PRELID2: variants seen among roughly 807,000 people sequenced by gnomAD.
PRELID2 encodes the protein PRELI domain containing 2.
In PRELID2, 25 loss-of-function variants were observed where a neutral mutation model predicts 28.4. The observed-to-expected ratio is 0.88, with a 90% CI of 0.64 to 1.23. The LOEUF (loss-of-function observed/expected upper bound fraction) is 1.23. Among genes scored for constraint, PRELID2 ranks in the 50% most tolerant of loss-of-function variants. The probability of loss-of-function intolerance (pLI) is 0.00; values close to 1 mark genes in which losing one functional copy is unlikely to be tolerated. For missense variants in PRELID2, 201 were observed against 214.4 expected, an observed-to-expected ratio of 0.94 and a Z score of 0.39; for synonymous variants, 76 against 71.6, an observed-to-expected ratio of 1.06 and a Z score of -0.31.
intron 1 of PRELID2, among the ~76,000 whole-genome samples, chr5:145,633,246 T>C (rs914461135): frequency 1.3e-5 from 2 of 152,178 alleles, no homozygotes; most frequent in Admixed American, 1.3e-4. Context: ...AAATTCTTGT[T>C]GTTGTAAGCC....
chr5:145,695,699 G>T (rs968432389), intron 1 of PRELID2, among the ~76,000 whole-genome samples: 1 of 152,174 alleles, frequency 6.6e-6, no homozygotes. Context: ...GGGGCACAAA[G>T]TCTCTGTCCC....
the PRELID2 span, among the ~76,000 whole-genome samples, chr5:145,305,037 T>C: frequency 6.6e-6 from 1 of 152,214 alleles, no homozygotes; most frequent in South Asian, 2.1e-4. Flanking sequence ...AACCGCACTG[T>C]CCATGAATGA....
chr5:145,568,954 T>G (rs1752992417), intron 1 of PRELID2, among the ~76,000 whole-genome samples: 1 of 152,240 alleles, frequency 6.6e-6, no homozygotes, highest in Admixed American at 6.5e-5. Flanking sequence ...TAAAGAAACA[T>G]GGCAGTCTGC....
intron 5 of PRELID2, among the ~76,000 whole-genome samples, chr5:145,778,208 C>T (rs1447150570): frequency 6.6e-6 from 1 of 152,184 alleles, no homozygotes; most frequent in African/African-American, 2.4e-5. Flanking sequence ...GAGCTACCCA[C>T]TCCAGGGCCT....
At chr5:145,341,907 C>G in the PRELID2 span, among the ~76,000 whole-genome samples, 2 of 152,148 alleles carry the variant, frequency 1.3e-5, no homozygotes, top group Non-Finnish European at 2.9e-5. Flanking sequence ...GGTGGCTCAG[C>G]AATCCCCATG....
At chr5:145,246,390 A>G in the PRELID2 span, among the ~76,000 whole-genome samples, 5 of 152,222 alleles carry the variant, frequency 3.3e-5, no homozygotes, top group Admixed American at 2.0e-4. Context: ...AGGCTCTTAC[A>G]TTCAAATGGG....
At chr5:145,232,927 A>G in the PRELID2 span, among the ~76,000 whole-genome samples, 1 of 151,902 alleles carries the variant, frequency 6.6e-6, no homozygotes, top group Non-Finnish European at 1.5e-5. Context: ...ATATTATTCT[A>G]CAAGTTTCCA....
intron 1 of PRELID2, among the ~76,000 whole-genome samples, chr5:145,615,327 G>GTTTTTTTTTTTTTT (rs141780236): frequency 1.5e-5 from 1 of 68,912 alleles, no homozygotes; most frequent in Non-Finnish European, 2.6e-5. Flanking sequence ...TCTTTTTTTT[G>GTTTTTTTTTTTTTT]TTTTTTTTTT....
chr5:145,312,857 TC>T, the PRELID2 span, among the ~76,000 whole-genome samples: 2 of 152,192 alleles, frequency 1.3e-5, no homozygotes, highest in African/African-American at 4.8e-5. Flanking sequence ...TGATTCTATT[TC>T]TTCTAGCTAT....
intron 1 of PRELID2, among the ~76,000 whole-genome samples, chr5:145,696,119 G>C (rs922321840): frequency 4.3e-5 from 6 of 138,916 alleles, no homozygotes; most frequent in African/African-American, 1.6e-4. Flanking sequence ...ATATGGCTTA[G>C]TATAGTTTCT....
At chr5:145,307,363 T>C in the PRELID2 span, among the ~76,000 whole-genome samples, 1 of 152,088 alleles carries the variant, frequency 6.6e-6, no homozygotes, top group Non-Finnish European at 1.5e-5. Context: ...GCAGCTAAGA[T>C]CTAGGGTTGG....
At chr5:145,551,063 C>A (rs1424715655) in intron 1 of PRELID2, among the ~76,000 whole-genome samples, 1 of 152,028 alleles carries the variant, frequency 6.6e-6, no homozygotes, top group East Asian at 1.9e-4. Context: ...AGTTTTTAAA[C>A]TAACATTTGC....
At chr5:145,688,309 A>G (rs1169204108) in intron 1 of PRELID2, among the ~76,000 whole-genome samples, 1 of 152,220 alleles carries the variant, frequency 6.6e-6, no homozygotes, top group Non-Finnish European at 1.5e-5. Flanking sequence ...GATGAAAGAT[A>G]AAACCCTCGG....
intron 1 of PRELID2, among the ~76,000 whole-genome samples, chr5:145,602,042 T>G (rs529529497): frequency 6.6e-6 from 1 of 152,306 alleles, no homozygotes; most frequent in Non-Finnish European, 1.5e-5. Flanking sequence ...CAAGGAAAGT[T>G]TTTATTTTCT....
chr5:145,766,524 T>C (rs926740406), intron 5 of PRELID2, among the ~76,000 whole-genome samples: 3 of 152,188 alleles, frequency 2.0e-5, no homozygotes, highest in African/African-American at 7.2e-5. Context: ...AAACTAAAGT[T>C]AGTATTTCCT....
At chr5:145,804,145 G>T (rs1222117333) in intron 4 of PRELID2, among the ~76,000 whole-genome samples, 1 of 152,118 alleles carries the variant, frequency 6.6e-6, no homozygotes, top group African/African-American at 2.4e-5. Context: ...TTAAATGATA[G>T]AATCTCAGAG....
the PRELID2 span, among the ~76,000 whole-genome samples, chr5:145,411,976 G>A: frequency 0.011 from 1,628 of 152,286 alleles, 37 homozygotes; most frequent in African/African-American, 0.037. Context: ...AGCTGGAGCA[G>A]CTGGGATGCA....
At chr5:145,323,587 G>C in the PRELID2 span, among the ~76,000 whole-genome samples, 1 of 152,142 alleles carries the variant, frequency 6.6e-6, no homozygotes, top group South Asian at 2.1e-4. Context: ...CATAGTAAAT[G>C]GGTAGTTTTT....
intron 1 of PRELID2, among the ~76,000 whole-genome samples, chr5:145,833,285 A>G (rs1755722341): frequency 6.6e-6 from 1 of 152,214 alleles, no homozygotes. Context: ...GACACTGCAG[A>G]CGGTCAGCAA....
Sources: allele counts gnomAD v4.1 joint callset (sites outside exome capture counted in the v4.1 genomes callset), GRCh38; gene constraint gnomAD v4.1.1; transcripts MANE v1.5; gene names NCBI Gene and HGNC (gene_info 2026-07-23, HGNC 2026-07-21).